Variants in MRTFB observed in about 807,000 individuals in gnomAD.
The protein encoded by MRTFB is myocardin related transcription factor B, also known as myocardin-related transcription factor B.
MRTFB carries 29 observed loss-of-function variants against 104.2 expected under a neutral mutation model. The observed-to-expected ratio is 0.28, with a 90% CI of 0.21 to 0.38. The LOEUF is 0.38. MRTFB is among the 10% of genes least tolerant of loss of function. The pLI, the probability that MRTFB is intolerant of heterozygous loss-of-function variation, is 1.00. For missense variants in MRTFB, 1,270 were observed against 1,341.6 expected (o/e 0.95, Z 0.83); for synonymous variants, 535 against 519.5 (o/e 1.03, Z -0.41).
chr16:14,084,708 T>A (rs114100005), intron 2 of MRTFB, among the ~76,000 whole-genome samples: 1 of 152,228 alleles, frequency 6.6e-6, no homozygotes, highest in African/African-American at 2.4e-5. Context: ...TGTAAACCTA[T>A]GTTTACTGAT....
At chr16:14,125,516 A>G (rs1365984497) in intron 2 of MRTFB, among the ~76,000 whole-genome samples, 2 of 152,200 alleles carry the variant, frequency 1.3e-5, no homozygotes, top group Non-Finnish European at 2.9e-5. Flanking sequence ...AGCAGTAGGG[A>G]TGGGTGAGAG....
At chr16:14,222,558 A>G (rs776124199) in intron 8 of MRTFB, among the ~76,000 whole-genome samples, 2 of 124,834 alleles carry the variant, frequency 1.6e-5, no homozygotes, top group Non-Finnish European at 3.5e-5. Flanking sequence ...CATTTTTCTA[A>G]TTTCCCTGTT....
At chr16:14,218,767 C>A in intron 7 of MRTFB, 53 bp from the exon 8 acceptor site, 2 of 1,508,756 alleles carry the variant, frequency 1.3e-6, no homozygotes, top group Non-Finnish European at 1.8e-6. Flanking sequence ...TCACATTAAG[C>A]TTGGTATTCC....
At chr16:14,042,829 G>A in the MRTFB span, among the ~76,000 whole-genome samples, 9 of 152,304 alleles carry the variant, frequency 5.9e-5, no homozygotes, top group East Asian at 5.8e-4. Context: ...AGAAGGAAGC[G>A]GTATCCTTGC....
chr16:14,145,699 A>G (rs1215563155), intron 3 of MRTFB, among the ~76,000 whole-genome samples: 1 of 152,220 alleles, frequency 6.6e-6, no homozygotes, highest in African/African-American at 2.4e-5. Context: ...TGCATAATCT[A>G]CCTTTACTAA....
the MRTFB span, among the ~76,000 whole-genome samples, chr16:14,014,145 T>C: frequency 6.6e-6 from 1 of 152,184 alleles, no homozygotes; most frequent in Non-Finnish European, 1.5e-5. Flanking sequence ...GAATAAATAT[T>C]TGTTAAATAA....
chr16:14,134,725 C>G (rs2037620352), intron 2 of MRTFB, among the ~76,000 whole-genome samples: 1 of 152,230 alleles, frequency 6.6e-6, no homozygotes, highest in East Asian at 1.9e-4. Context: ...ACCCCACTCC[C>G]CAACATCTCT....
At chr16:14,252,930 GTC>G (rs1019048172) in intron 15 of MRTFB, among the ~76,000 whole-genome samples, 5 of 152,114 alleles carry the variant, frequency 3.3e-5, no homozygotes, top group African/African-American at 7.2e-5. Context: ...AATTGACTTG[GTC>G]TCTCTCTGGT....
At chr16:14,066,298 G>C in the MRTFB span, among the ~76,000 whole-genome samples, 1 of 150,678 alleles carries the variant, frequency 6.6e-6, no homozygotes, top group East Asian at 1.9e-4. Context: ...TTTTGAGATG[G>C]AGTCTCACTC....
chr16:14,169,214 A>G (rs1349312914), intron 3 of MRTFB, among the ~76,000 whole-genome samples: 2 of 152,172 alleles, frequency 1.3e-5, no homozygotes, highest in African/African-American at 4.8e-5. Flanking sequence ...ATCTGTACAC[A>G]TCTCTCTAAA....
intron 2 of MRTFB, chr16:14,092,746 G>T (rs2035155894): frequency 1.3e-5 from 2 of 152,128 alleles, no homozygotes; most frequent in Admixed American, 1.3e-4. Flanking sequence ...TCTCACAAGA[G>T]ATGTTTATAA....
the MRTFB span, among the ~76,000 whole-genome samples, chr16:14,040,670 C>G: frequency 2.0e-5 from 3 of 152,078 alleles, no homozygotes; most frequent in Non-Finnish European, 4.4e-5. Context: ...ACCATGTTGG[C>G]AGGGCTGGTA....
intron 15 of MRTFB, among the ~76,000 whole-genome samples, chr16:14,255,745 T>C (rs1379186374): frequency 1.3e-5 from 2 of 152,060 alleles, no homozygotes; most frequent in Non-Finnish European, 2.9e-5. Flanking sequence ...TTAAGTAGCC[T>C]ATGAGAAGTT....
At chr16:14,016,338 G>A in the MRTFB span, among the ~76,000 whole-genome samples, 1 of 151,274 alleles carries the variant, frequency 6.6e-6, no homozygotes, top group Non-Finnish European at 1.5e-5. Context: ...AAAATGACAT[G>A]GAACTTGCAA....
the MRTFB span, among the ~76,000 whole-genome samples, chr16:14,058,800 C>T: frequency 7.8e-5 from 11 of 140,516 alleles, no homozygotes; most frequent in African/African-American, 2.7e-4. Context: ...CTCACTGCAA[C>T]CTCTGCCTCC....
chr16:14,190,887 C>T (rs2040151359), intron 3 of MRTFB, among the ~76,000 whole-genome samples: 1 of 152,190 alleles, frequency 6.6e-6, no homozygotes, highest in South Asian at 2.1e-4. Context: ...ATTTCCAGTT[C>T]TGCCACAGAC....
chr16:14,049,758 A>C, the MRTFB span, among the ~76,000 whole-genome samples: 1 of 152,212 alleles, frequency 6.6e-6, no homozygotes, highest in Non-Finnish European at 1.5e-5. Flanking sequence ...CTTGAGACGG[A>C]GTGTCACTCT....
At position 14,245,555 on chromosome 16, in the gene MRTFB, T is replaced by C. The variant is rs760855937; in HGVS notation, c.1107T>C (p.Ser369=). 4 of 1,612,724 alleles carry C rather than the reference T, an allele frequency of 2.5e-6. No homozygotes were observed. Among genetic ancestry groups the C allele is most frequent in the Non-Finnish European group, 3.4e-6 (4 of 1,179,648 alleles). ...CACTCAATGACAAAAATAGTAACAG[T>C]GGGAATTCAGCTTTGAACAATGCCA... The part of the protein sequence containing the change: ...FKPLNDKNSN[S]GNSALNNATP... Residue 369 remains serine, a synonymous_variant, in exon 11 of 17, where the codon AGT becomes AGC. Coordinates refer to ENST00000571589, the MANE Select transcript of MRTFB (RefSeq NM_001308142.2).
intron 2 of MRTFB, among the ~76,000 whole-genome samples, chr16:14,128,620 AG>A (rs1396400207): frequency 6.6e-6 from 1 of 152,206 alleles, no homozygotes; most frequent in Non-Finnish European, 1.5e-5. Context: ...AACAGATCTT[AG>A]ATATCTTTCC....
Sources: allele counts gnomAD v4.1 joint callset (sites outside exome capture counted in the v4.1 genomes callset), GRCh38; gene constraint gnomAD v4.1.1; transcripts MANE v1.5; gene names NCBI Gene and HGNC (gene_info 2026-07-23, HGNC 2026-07-21).